AGPAT3: variants seen among roughly 807,000 people sequenced by gnomAD.
AGPAT3 encodes the protein 1-acylglycerol-3-phosphate O-acyltransferase 3, also known as 1-acyl-sn-glycerol-3-phosphate acyltransferase gamma.
Under a neutral mutation model 47.3 loss-of-function variants are expected in AGPAT3, and 5 were observed. That is an observed-to-expected ratio of 0.11 (90% CI 0.06 to 0.22). AGPAT3 has a LOEUF of 0.22. Among genes scored for constraint, AGPAT3 ranks in the 10% least tolerant of loss-of-function variants. AGPAT3 has a pLI of 1.00. For synonymous variants in AGPAT3, 212 were observed against 208.3 expected, an observed-to-expected ratio of 1.02 and a Z score of -0.15; for missense variants, 315 against 493.0, an observed-to-expected ratio of 0.64 and a Z score of 3.42.
At chr21:43,951,734 T>C (rs764803566) in intron 2 of AGPAT3, among the ~76,000 whole-genome samples, 1 of 152,152 alleles carries the variant, frequency 6.6e-6, no homozygotes. Context: ...GACAAACTGG[T>C]GTTTACCCCT....
intron 2 of AGPAT3, among the ~76,000 whole-genome samples, chr21:43,940,279 T>G (rs1456393205): frequency 6.6e-6 from 1 of 152,256 alleles, no homozygotes; most frequent in Non-Finnish European, 1.5e-5. Context: ...CTGCCTCTTC[T>G]CAGGGATCTG....
At chr21:43,927,447 G>A (rs1351604948) in intron 2 of AGPAT3, among the ~76,000 whole-genome samples, 1 of 152,176 alleles carries the variant, frequency 6.6e-6, no homozygotes, top group Non-Finnish European at 1.5e-5. Flanking sequence ...GTTGATTGGA[G>A]GGCTGAGTTT....
chr21:43,970,888 G>A lies in AGPAT3; in HGVS notation c.664+82G>A, dbSNP rs896925264. ...TTCTTTAAAAAAAAAAAAAATGAGT[G>A]CATTCCATGTGAAACACAGAAGAAC... On this transcript the variant is annotated intron_variant, in intron 6 of 9. Transcript: ENST00000291572. The surrounding 1 kb of genome is among the most constrained non-coding windows in gnomAD (Gnocchi z 5.8). 9 of 1,266,956 alleles carry A rather than the reference G, an allele frequency of 7.1e-6. No homozygotes were observed. The highest frequency in any genetic ancestry group is 9.4e-6 in the Non-Finnish European group (9 of 955,422). The allele number at this position is 1,266,956 out of a possible 1,614,324, so 78.5% of individuals were successfully genotyped here.
chr21:43,934,558 C>T lies in AGPAT3; in HGVS notation c.-48-25076C>T, dbSNP rs544522884. 8.5e-5 allele frequency among the ~76,000 whole-genome samples: 13 copies of T among 152,262 alleles called. No individual in the cohort carries two copies. Among genetic ancestry groups the T allele is most frequent in the Non-Finnish European group, 1.5e-4 (10 of 68,016 alleles). On this transcript the variant is annotated intron_variant, in intron 2 of 9. Coordinates refer to ENST00000291572, the MANE Select transcript of AGPAT3 (RefSeq NM_020132.5). The surrounding 1 kb of genome is among the most constrained non-coding windows in gnomAD (Gnocchi z 4.7). ...GAAAAGAACTGTTTCCTTTAGGCCC[C>T]GTGGGGTAACCAGAAGGTAAGACTA...
intron 2 of AGPAT3, among the ~76,000 whole-genome samples, chr21:43,945,076 G>A (rs577155352): frequency 2.0e-5 from 3 of 152,352 alleles, no homozygotes; most frequent in African/African-American, 7.2e-5. Flanking sequence ...CATCTGCTGG[G>A]CTAGTGCATG....
chr21:43,975,723 G>T (rs116453658), intron 7 of AGPAT3, among the ~76,000 whole-genome samples: 4,252 of 152,098 alleles, frequency 0.028, 183 homozygotes, highest in African/African-American at 0.093. Context: ...TTAATTTTGG[G>T]TTTTTTTTGT....
At chr21:43,866,101 C>T (rs2085499188) in intron 1 of AGPAT3, among the ~76,000 whole-genome samples, 1 of 145,158 alleles carries the variant, frequency 6.9e-6, no homozygotes, top group Admixed American at 7.0e-5. Context: ...TATTTGAAGG[C>T]AGTTAAAAAT....
chr21:43,978,294 TTTTG>T (rs1387163879), intron 8 of AGPAT3, among the ~76,000 whole-genome samples, 173 bp downstream of exon 8: 2 of 139,518 alleles, frequency 1.4e-5, no homozygotes, highest in African/African-American at 6.5e-5. Flanking sequence ...TTTGTTTTGT[TTTTG>T]TTTTTGTTTT....
intron 2 of AGPAT3, among the ~76,000 whole-genome samples, chr21:43,910,575 G>A (rs1391027396): frequency 6.6e-6 from 1 of 152,206 alleles, no homozygotes; most frequent in Non-Finnish European, 1.5e-5. Context: ...GCCGAGGAGG[G>A]CCGGCCTTCC....
rs1009432534 is a variant in AGPAT3, at chr21:43,986,557, GTATT to G, written c.*4170_*4173del. ...ATGAAGAAATGCATCTGATCTACTTGTATTTATTGTCTCAGAATTGTACGTTGTG... is the reference window on the plus strand; with the variant it reads ...ATGAAGAAATGCATCTGATCTACTTGTATTGTCTCAGAATTGTACGTTGTG... On this transcript the variant is annotated 3_prime_UTR_variant, in exon 10 of 10. Coordinates refer to ENST00000291572, the MANE Select transcript of AGPAT3 (RefSeq NM_020132.5). The G allele has an allele frequency of 6.6e-6, 1 of 152,600 alleles. No individual in the cohort carries two copies. Among genetic ancestry groups the G allele is most frequent in the Non-Finnish European group, 1.5e-5 (1 of 68,026 alleles). The allele number at this position is 152,600 out of a possible 1,614,324, so 9.5% of individuals were successfully genotyped here.
intron 1 of AGPAT3, among the ~76,000 whole-genome samples, chr21:43,875,696 C>T (rs1409003842): frequency 6.6e-6 from 1 of 152,232 alleles, no homozygotes. Context: ...CAACCTCCGC[C>T]TCTTGGGTTC....
chr21:43,879,715 C>T lies in AGPAT3; in HGVS notation c.-112+14370C>T, dbSNP rs370036367. 3.2e-4 allele frequency among the ~76,000 whole-genome samples: 48 copies of T among 152,224 alleles called. No homozygotes were observed. In the South Asian group the frequency reaches 6.4e-3, roughly 20 times the overall value. Reference sequence around the variant, plus strand: ...CTGCTGCGCTGTGTGCGTGTCAGGGCGGCCATGTTGTGTGTGGCTGTCTGC... The same window carrying T: ...CTGCTGCGCTGTGTGCGTGTCAGGGTGGCCATGTTGTGTGTGGCTGTCTGC... On this transcript the variant is annotated intron_variant, in intron 1 of 9. Coordinates refer to ENST00000291572, the MANE Select transcript of AGPAT3 (RefSeq NM_020132.5).
chr21:43,874,499 A>T (rs1038309775), intron 1 of AGPAT3, among the ~76,000 whole-genome samples: 1 of 152,188 alleles, frequency 6.6e-6, no homozygotes, highest in African/African-American at 2.4e-5. Context: ...GGTTGTTTTT[A>T]TTATGATTTC....
rs58314121 is a variant in AGPAT3 at position 43,955,899 on chromosome 21, CAAA to C, written c.-48-3720_-48-3718del. On this transcript the variant is annotated intron_variant, in intron 2 of 9. Coordinates refer to ENST00000291572, the MANE Select transcript of AGPAT3 (RefSeq NM_020132.5). The surrounding 1 kb of genome is among the most constrained non-coding windows in gnomAD (Gnocchi z 4.1). Reference sequence around the variant, plus strand: ...TGGGCAACAGTGAGATAATCTGTCTCAAAAAAAAAAAAAAAAATCAGATTCCTG... The same window carrying C: ...TGGGCAACAGTGAGATAATCTGTCTCAAAAAAAAAAAAAATCAGATTCCTG... Among the ~76,000 whole-genome samples the C allele has an allele frequency of 3.2e-5, 4 of 124,908 alleles. No individual in the cohort carries two copies. The highest frequency in any genetic ancestry group is 1.7e-5 in the Non-Finnish European group (1 of 57,722). The allele number at this position is 124,908 out of a possible 152,430, so 81.9% of individuals were successfully genotyped here.
At chr21:43,865,986 G>A (rs1019353479) in intron 1 of AGPAT3, among the ~76,000 whole-genome samples, 2 of 152,162 alleles carry the variant, frequency 1.3e-5, no homozygotes, top group African/African-American at 4.8e-5. Context: ...GTCAGGGGAT[G>A]GGGTCAGTCC....
chr21:43,948,506 C>T (rs149519849), intron 2 of AGPAT3, among the ~76,000 whole-genome samples: 70 of 152,234 alleles, frequency 4.6e-4, no homozygotes, highest in African/African-American at 1.6e-3. Context: ...GCTTCCCTCC[C>T]ATATCCAAGG....
At position 43,909,397 on chromosome 21, in the gene AGPAT3, G is replaced by A. The variant is rs190284768; in HGVS notation, c.-49+5378G>A. On this transcript the variant is annotated intron_variant, in intron 2 of 9. Transcript: ENST00000291572. ...CGCAAGCTCCGTCTCCCGGGTTCAC[G>A]CCATTCTCCTGCCTCAGCCTCCCGA... Among the ~76,000 whole-genome samples, 485 of 150,550 alleles carry A rather than the reference G, an allele frequency of 3.2e-3. 2 individuals carry two copies. The highest frequency in any genetic ancestry group is 0.011 in the African/African-American group (467 of 40,974).
intron 2 of AGPAT3, among the ~76,000 whole-genome samples, chr21:43,940,795 T>C (rs549499874): frequency 6.6e-6 from 1 of 152,366 alleles, no homozygotes; most frequent in East Asian, 1.9e-4. Context: ...GGCTGGTTTA[T>C]GGTGATCGCA....
chr21:43,900,821 C>A (rs114016856), intron 1 of AGPAT3, among the ~76,000 whole-genome samples: 1 of 152,142 alleles, frequency 6.6e-6, no homozygotes, highest in Non-Finnish European at 1.5e-5. Flanking sequence ...ACAGAGCTTA[C>A]GAGCGAGATC....
Sources: gnomAD v4.1 joint callset for allele counts (sites outside exome capture counted in the v4.1 genomes callset) on GRCh38, gnomAD v4.1.1 for gene constraint, Gnocchi (gnomAD v3.1) non-coding constraint, MANE v1.5 for transcripts, NCBI Gene and HGNC (gene_info 2026-07-23, HGNC 2026-07-21) for gene names.